Variants in ZNF221 observed in about 807,000 individuals in gnomAD.
ZNF221 encodes zinc finger protein 221.
Under a neutral mutation model 12.6 loss-of-function variants are expected in ZNF221, and 10 were observed. The ratio of observed to expected loss-of-function variants is 0.79; its 90% confidence interval spans 0.49 to 1.34. The LOEUF is 1.34. ZNF221 is among the 40% of genes most tolerant of loss of function. The pLI is 0.00. For missense variants in ZNF221, 661 were observed against 721.4 expected, an observed-to-expected ratio of 0.92 and a Z score of 0.96; for synonymous variants, 232 against 244.0, an observed-to-expected ratio of 0.95 and a Z score of 0.46.
chr19:43,976,598 G>A, the ZNF221 span, among the ~76,000 whole-genome samples: 12 of 152,124 alleles, frequency 7.9e-5, no homozygotes, highest in Non-Finnish European at 2.9e-5. Context: ...TTCTGTGCAG[G>A]CTTTAATATG....
rs750324529 is a variant in ZNF221, at chr19:43,966,267, A to T, written c.765A>T (p.Lys255Asn). The change falls in exon 5 of 5, where the codon AAA becomes AAT. Residue 255 changes from lysine to asparagine, a missense_variant. Transcript: ENST00000587682. The part of the protein sequence containing the change: ...QRVHTGEKPF[K>N]CGQCGKGFHS... ...TCCATACTGGAGAGAAACCATTCAAATGTGGGCAATGTGGGAAAGGCTTCC... is the reference window on the plus strand; with the variant it reads ...TCCATACTGGAGAGAAACCATTCAATTGTGGGCAATGTGGGAAAGGCTTCC... 1.5e-5 allele frequency: 25 copies of T among 1,613,950 alleles called. No homozygotes were observed. The highest frequency in any genetic ancestry group is 2.1e-5 in the Non-Finnish European group (25 of 1,179,926).
At chr19:43,962,668 C>A in intron 1 of ZNF221, 57 bp from the exon 2 acceptor site, 1 of 1,498,824 alleles carries the variant, frequency 6.7e-7, no homozygotes, top group South Asian at 1.1e-5. Flanking sequence ...TGTTGGTGGT[C>A]GGCATTCCTA....
intron 1 of ZNF221, among the ~76,000 whole-genome samples, chr19:43,951,769 TG>T (rs773668616): frequency 1.2e-3 from 186 of 150,828 alleles, no homozygotes; most frequent in Non-Finnish European, 2.5e-3. Context: ...GTCAGGTCCC[TG>T]GGCTGGTGTC....
the ZNF221 span, among the ~76,000 whole-genome samples, chr19:43,980,958 T>A: frequency 1.2e-4 from 18 of 152,284 alleles, no homozygotes; most frequent in East Asian, 3.5e-3. Flanking sequence ...AAGATAGTGA[T>A]GGTTGAGCCT....
chr19:43,951,585 A>G (rs1309049277), intron 1 of ZNF221, among the ~76,000 whole-genome samples, 185 bp downstream of exon 1: 1 of 152,110 alleles, frequency 6.6e-6, no homozygotes, highest in African/African-American at 2.4e-5. Flanking sequence ...CCCCCGGTAC[A>G]ACGTTGGGGT....
chr19:43,969,365 T>C (rs938126004), downstream of ZNF221, among the ~76,000 whole-genome samples: 196 of 62,382 alleles, frequency 3.1e-3, 3 homozygotes, highest in African/African-American at 9.7e-3. Flanking sequence ...TTTTTTTTTT[T>C]TGAGATGGAG....
chr19:43,956,052 T>C (rs391885), intron 1 of ZNF221, among the ~76,000 whole-genome samples: 132,285 of 151,898 alleles, frequency 0.87, 57,645 homozygotes, highest in Middle Eastern at 0.93. Context: ...TGCCCCATAG[T>C]GGGGTAGTAA....
At chr19:43,970,971 C>T (rs1279742515), downstream of ZNF221, among the ~76,000 whole-genome samples, 2 of 152,152 alleles carry the variant, frequency 1.3e-5, no homozygotes. Context: ...TCATCAGATT[C>T]TCCAAGGTCA....
chr19:43,966,805 T>G lies in ZNF221; in HGVS notation c.1303T>G (p.Ser435Ala), dbSNP rs1310783596. 1 of 1,614,078 alleles carries G rather than the reference T, an allele frequency of 6.2e-7. No individual in the cohort carries two copies. The highest frequency in any genetic ancestry group is 2.2e-5 in the East Asian group (1 of 44,886). The change falls in exon 5 of 5, where the codon TCA becomes GCA. Residue 435 changes from serine to alanine, a missense_variant. Physicochemically the swap from Ser to Ala is moderately conservative, Grantham distance 99. Coordinates refer to ENST00000587682, the MANE Select transcript of ZNF221 (RefSeq NM_001297588.2). ...ATGTGGGAAGGGATTTTATACAAAT[T>G]CACGACGATCTTCCCATCAGAGATC... ...EECGKGFYTN[S>A]RRSSHQRSHN...
intron 1 of ZNF221, among the ~76,000 whole-genome samples, chr19:43,952,553 A>G (rs1974691891): frequency 1.3e-5 from 2 of 152,244 alleles, no homozygotes; most frequent in Admixed American, 1.3e-4. Context: ...TCGTCTATTA[A>G]AGATGAGAGT....
At position 43,966,513 on chromosome 19, in the gene ZNF221, A is replaced by G. The variant is rs768920671; in HGVS notation, c.1011A>G (p.Pro337=). 1 of 1,614,198 alleles carries G rather than the reference A, an allele frequency of 6.2e-7. No individual in the cohort carries two copies. The highest frequency in any genetic ancestry group is 2.2e-5 in the East Asian group (1 of 44,888). Residue 337 remains proline (P), a synonymous_variant, in exon 5 of 5, where the codon CCA becomes CCG. Coordinates refer to ENST00000587682, the MANE Select transcript of ZNF221 (RefSeq NM_001297588.2). ...CCATGGTTCACACAGGAGAAAAACC[A>G]TTCAGATGTGATACATGTGGCAAGA... ...RHSMVHTGEK[P]FRCDTCGKNF...
At chr19:43,975,204 C>T in the ZNF221 span, among the ~76,000 whole-genome samples, 1 of 152,042 alleles carries the variant, frequency 6.6e-6, no homozygotes, top group Non-Finnish European at 1.5e-5. Flanking sequence ...GTAATATATA[C>T]CCCCAAATTA....
intron 1 of ZNF221, 75 bp from the exon 2 acceptor site, chr19:43,962,650 C>T (rs1974865018): frequency 1.2e-5 from 17 of 1,391,576 alleles, no homozygotes; most frequent in Non-Finnish European, 1.6e-5. Flanking sequence ...ATTGAAAATA[C>T]TTGTCTATGT....
downstream of ZNF221, among the ~76,000 whole-genome samples, chr19:43,970,411 G>A (rs372796960): frequency 3.1e-4 from 47 of 152,302 alleles, no homozygotes; most frequent in African/African-American, 1.1e-3. Context: ...ACTGGGCTGA[G>A]GCTGAGATGG....
chr19:43,971,648 A>T (rs1368833915), downstream of ZNF221, among the ~76,000 whole-genome samples: 3 of 760 alleles, frequency 3.9e-3, no homozygotes, highest in African/African-American at 4.6e-3. Flanking sequence ...ACAAAGATAA[A>T]AAAAAAAAAA....
At chr19:43,955,775 CAT>C (rs1314906829) in intron 1 of ZNF221, among the ~76,000 whole-genome samples, 2 of 152,168 alleles carry the variant, frequency 1.3e-5, no homozygotes, top group Non-Finnish European at 2.9e-5. Context: ...CCTTCCAAAT[CAT>C]ATGTTCATTC....
At chr19:43,975,335 A>G in the ZNF221 span, among the ~76,000 whole-genome samples, 18 of 152,198 alleles carry the variant, frequency 1.2e-4, no homozygotes, top group Non-Finnish European at 2.6e-4. Flanking sequence ...AGAAAATGTC[A>G]TACATATAGA....
chr19:43,979,295 G>A, the ZNF221 span, among the ~76,000 whole-genome samples: 1 of 152,044 alleles, frequency 6.6e-6, no homozygotes, highest in Non-Finnish European at 1.5e-5. Flanking sequence ...AATGCCTGCT[G>A]TATCCTGGTG....
Position 43,962,787 on chromosome 19 carries a change from G to A in ZNF221, c.61G>A (p.Gly21Arg). Residue 21 changes from glycine (G) to arginine (R), a missense_variant, in exon 2 of 5, where the codon GGA becomes AGA. Gly to Arg is a moderately radical substitution (Grantham distance 125). Transcript: ENST00000587682. ...ACTCTGCAAATTCCCTGAAGTAGAA[G>A]GAAAAATGACCACATTCAAAGTGAG... The part of the protein sequence containing the change: ...SGLCKFPEVE[G>R]KMTTFKEAVT... The A allele has an allele frequency of 3.7e-6, 6 of 1,613,448 alleles. No individual in the cohort carries two copies. In the African/African-American group the frequency reaches 5.3e-5, roughly 14 times the overall value.
Sources: gnomAD v4.1 joint callset for allele counts (sites outside exome capture counted in the v4.1 genomes callset) on GRCh38, gnomAD v4.1.1 for gene constraint, MANE v1.5 for transcripts, NCBI Gene and HGNC (gene_info 2026-07-23, HGNC 2026-07-21) for gene names.